Variants in SOX6 observed in about 807,000 individuals in gnomAD.
The protein encoded by SOX6 is transcription factor SOX-6.
A neutral mutation model predicts 97.8 loss-of-function variants in SOX6; 11 were observed. That is an observed-to-expected ratio of 0.11 (90% CI 0.07 to 0.19). The LOEUF (loss-of-function observed/expected upper bound fraction) is 0.19, where lower values mean the gene tolerates loss of function less well. SOX6 is among the 10% of genes least tolerant of loss of function. SOX6 has a pLI of 1.00. For synonymous variants in SOX6, 360 were observed against 371.4 expected (o/e 0.97, Z 0.35); for missense variants, 810 against 1,039.5 (o/e 0.78, Z 3.04).
At chr11:16,188,691 T>C (rs1405234386) in intron 4 of SOX6, among the ~76,000 whole-genome samples, 1 of 152,106 alleles carries the variant, frequency 6.6e-6, no homozygotes. Context: ...ATGTATCAGG[T>C]ACTATAACAA....
chr11:16,184,074 A>C, intron 5 of SOX6, 120 bp from the exon 6 acceptor site: 1 of 910,388 alleles, frequency 1.1e-6, no homozygotes, highest in South Asian at 1.4e-5. Flanking sequence ...AAGAGTTCCT[A>C]TAAAATGAGA....
At chr11:16,177,275 G>A (rs929954554) in intron 6 of SOX6, among the ~76,000 whole-genome samples, 4 of 151,786 alleles carry the variant, frequency 2.6e-5, no homozygotes, top group Admixed American at 6.6e-5. Context: ...TGACGTTTTC[G>A]AGTTTAACAT....
At chr11:16,419,201 TATG>T (rs1238586831) in intron 1 of SOX6, among the ~76,000 whole-genome samples, 1 of 152,172 alleles carries the variant, frequency 6.6e-6, no homozygotes, top group Non-Finnish European at 1.5e-5. Flanking sequence ...CTGTATAAAA[TATG>T]ATGAATTCAC....
At chr11:16,133,271 T>A (rs1017537921) in intron 6 of SOX6, among the ~76,000 whole-genome samples, 1 of 152,194 alleles carries the variant, frequency 6.6e-6, no homozygotes, top group African/African-American at 2.4e-5. Flanking sequence ...ATGTTCTCCT[T>A]CTCTAGAGAT....
intron 1 of SOX6, among the ~76,000 whole-genome samples, chr11:16,462,098 A>T (rs1040403755): frequency 6.6e-6 from 1 of 152,234 alleles, no homozygotes; most frequent in Non-Finnish European, 1.5e-5. Context: ...GCTACCAAAA[A>T]AGGATTTGTC....
intron 3 of SOX6, among the ~76,000 whole-genome samples, chr11:16,262,638 G>T (rs1853938920): frequency 1.3e-5 from 2 of 152,100 alleles, no homozygotes; most frequent in African/African-American, 4.8e-5. Flanking sequence ...GAGTGCATTT[G>T]CCAGATAACA....
chr11:16,710,410 A>C (rs996686757), intron 3 of SOX6, among the ~76,000 whole-genome samples: 33 of 152,194 alleles, frequency 2.2e-4, no homozygotes, highest in Non-Finnish European at 8.8e-5. Flanking sequence ...TCATACAACT[A>C]ATAAGTGGAC....
At chr11:16,406,791 G>A (rs988774480) in intron 1 of SOX6, among the ~76,000 whole-genome samples, 4 of 152,092 alleles carry the variant, frequency 2.6e-5, no homozygotes, top group Non-Finnish European at 5.9e-5. Context: ...AAGGTCATTT[G>A]ATGACTCCCA....
intron 12 of SOX6, among the ~76,000 whole-genome samples, chr11:16,038,660 T>C (rs1855578084): frequency 6.6e-6 from 1 of 152,156 alleles, no homozygotes; most frequent in Non-Finnish European, 1.5e-5. Flanking sequence ...GAGCCCTGGT[T>C]ATCTTTCCAC....
At chr11:16,283,938 A>G (rs1012906804) in intron 3 of SOX6, 3 of 422,926 alleles carry the variant, frequency 7.1e-6, no homozygotes, top group African/African-American at 4.2e-5. Flanking sequence ...ATAAAAGATG[A>G]CCAAATTCAG....
intron 3 of SOX6, among the ~76,000 whole-genome samples, chr11:16,658,707 C>CAA (rs35437119): frequency 2.8e-4 from 40 of 140,590 alleles, no homozygotes; most frequent in East Asian, 8.1e-4. Context: ...GACTCCGTCT[C>CAA]AAAAAAAAAA....
chr11:16,319,269 A>G (rs1443886987), intron 2 of SOX6, among the ~76,000 whole-genome samples: 1 of 152,156 alleles, frequency 6.6e-6, no homozygotes, highest in African/African-American at 2.4e-5. Flanking sequence ...TTCTAGCTAC[A>G]CAGCTGTCCA....
At chr11:16,382,974 A>G (rs536046123) in intron 1 of SOX6, among the ~76,000 whole-genome samples, 1 of 152,090 alleles carries the variant, frequency 6.6e-6, no homozygotes, top group African/African-American at 2.4e-5. Flanking sequence ...TTCATGGATA[A>G]TTTGAAGTAT....
intron 3 of SOX6, among the ~76,000 whole-genome samples, chr11:16,288,770 C>A (rs944254884): frequency 2.0e-5 from 3 of 151,828 alleles, no homozygotes; most frequent in South Asian, 2.1e-4. Flanking sequence ...AGAAGTTATC[C>A]TTGGACAAAG....
intron 1 of SOX6, among the ~76,000 whole-genome samples, chr11:16,389,685 A>T (rs571308059): frequency 6.6e-6 from 1 of 152,182 alleles, no homozygotes; most frequent in South Asian, 2.1e-4. Flanking sequence ...TAAGAAGCTT[A>T]CGGCCGGGTG....
At chr11:16,512,917 G>C (rs1436792314) in intron 4 of SOX6, among the ~76,000 whole-genome samples, 1 of 152,198 alleles carries the variant, frequency 6.6e-6, no homozygotes, top group Non-Finnish European at 1.5e-5. Context: ...ATGACTCTGG[G>C]AGTACTGTGA....
chr11:16,672,043 G>A (rs748593094), intron 3 of SOX6, among the ~76,000 whole-genome samples: 12 of 152,272 alleles, frequency 7.9e-5, no homozygotes, highest in African/African-American at 1.4e-4. Flanking sequence ...ATATCTAGCC[G>A]AACTAAGCTT....
intron 12 of SOX6, chr11:16,031,417 TCTCA>T (rs1414621623): frequency 1.3e-5 from 2 of 152,230 alleles, no homozygotes; most frequent in African/African-American, 4.8e-5. Flanking sequence ...ACTGGTTGTC[TCTCA>T]GCCCCCCTAG....
chr11:16,140,883 G>A (rs912708055), intron 6 of SOX6, among the ~76,000 whole-genome samples: 2 of 152,148 alleles, frequency 1.3e-5, no homozygotes, highest in Admixed American at 1.3e-4. Flanking sequence ...CAGAATAGGT[G>A]CATAATAACC....
Sources: allele counts gnomAD v4.1 joint callset (sites outside exome capture counted in the v4.1 genomes callset), GRCh38; gene constraint gnomAD v4.1.1; transcripts MANE v1.5; gene names NCBI Gene and HGNC (gene_info 2026-07-23, HGNC 2026-07-21).